TAFA1: variants seen among roughly 807,000 people sequenced by gnomAD.
The protein encoded by TAFA1 is TAFA chemokine like family member 1, also known as chemokine-like protein TAFA-1.
A neutral mutation model predicts 18.5 loss-of-function variants in TAFA1; 4 were observed. The ratio of observed to expected loss-of-function variants is 0.22; its 90% confidence interval spans 0.11 to 0.49. The LOEUF (loss-of-function observed/expected upper bound fraction) is 0.49. TAFA1 is among the 20% of genes least tolerant of loss of function. TAFA1 has a pLI of 0.98. For missense variants in TAFA1, 147 were observed against 169.0 expected, an observed-to-expected ratio of 0.87 and a Z score of 0.72; for synonymous variants, 56 against 55.2, an observed-to-expected ratio of 1.01 and a Z score of -0.06.
At chr3:67,993,643 AAAGGGCTTTACTGG>A in the TAFA1 span, among the ~76,000 whole-genome samples, 1 of 152,228 alleles carries the variant, frequency 6.6e-6, no homozygotes, top group Non-Finnish European at 1.5e-5. Context: ...AGGTCTGTGT[AAAGGGCTTTACTGG>A]CTGCCATAGA....
At chr3:68,064,348 G>T (rs2064645036) in intron 2 of TAFA1, among the ~76,000 whole-genome samples, 1 of 152,182 alleles carries the variant, frequency 6.6e-6, no homozygotes, top group Admixed American at 6.6e-5. Flanking sequence ...AGTGATGAAA[G>T]GACAAAGTTT....
intron 2 of TAFA1, among the ~76,000 whole-genome samples, chr3:68,410,320 G>T (rs1379929919): frequency 2.0e-5 from 3 of 152,052 alleles, no homozygotes; most frequent in Non-Finnish European, 2.9e-5. Flanking sequence ...GGAATGAGAA[G>T]AAAGTCCACT....
chr3:68,071,375 C>T (rs2064753313), intron 2 of TAFA1, among the ~76,000 whole-genome samples: 1 of 152,210 alleles, frequency 6.6e-6, no homozygotes. Context: ...TCAACAACCT[C>T]CCACCAGGTC....
rs554409020 is a variant in TAFA1 at position 68,405,565 on chromosome 3, T to A, written c.119-11715T>A. ...AAATCAAAACATTAGCCAAGCATAGTGGCATGTTCTTGCAGTTCCAGCTAC... is the reference window on the plus strand; with the variant it reads ...AAATCAAAACATTAGCCAAGCATAGAGGCATGTTCTTGCAGTTCCAGCTAC... On this transcript the variant is annotated intron_variant, in intron 2 of 4. Transcript: ENST00000478136. Among the ~76,000 whole-genome samples, 5 of 151,278 alleles carry A rather than the reference T, an allele frequency of 3.3e-5. No individual in the cohort carries two copies. In the South Asian group the frequency reaches 1.1e-3, roughly 32 times the overall value.
At chr3:68,389,745 A>T (rs746373147) in intron 2 of TAFA1, among the ~76,000 whole-genome samples, 1 of 152,146 alleles carries the variant, frequency 6.6e-6, no homozygotes, top group Middle Eastern at 3.4e-3. Flanking sequence ...TACCCCACCC[A>T]GGAAGTGTAA....
At chr3:68,126,808 C>T (rs1159864023) in intron 2 of TAFA1, among the ~76,000 whole-genome samples, 2 of 152,142 alleles carry the variant, frequency 1.3e-5, no homozygotes, top group Non-Finnish European at 2.9e-5. Flanking sequence ...ACACAACAGG[C>T]CTCCTAGGCT....
rs1274926392 is a variant in TAFA1 at position 68,488,634 on chromosome 3, A to G, written c.260-50122A>G. Among the ~76,000 whole-genome samples the G allele has an allele frequency of 2.0e-5, 3 of 152,204 alleles. No individual in the cohort carries two copies. The East Asian group carries it at 5.8e-4, about 29-fold the overall frequency. The stretch of plus-strand genomic sequence containing the variant: ...AAATTCCCTAGGCTTCAATTTTTCC[A>G]TCTGCATAATGGCAATAAGATACCT... On this transcript the variant is annotated intron_variant, in intron 3 of 4. Coordinates refer to ENST00000478136, the MANE Select transcript of TAFA1 (RefSeq NM_213609.4).
intron 2 of TAFA1, among the ~76,000 whole-genome samples, chr3:68,257,398 A>G (rs1046021097): frequency 1.8e-4 from 27 of 150,872 alleles, no homozygotes; most frequent in African/African-American, 6.6e-4. Context: ...GTCTTCCCCA[A>G]TAGACAGTTA....
At chr3:68,284,586 G>A (rs1575745713) in intron 2 of TAFA1, among the ~76,000 whole-genome samples, 2 of 152,080 alleles carry the variant, frequency 1.3e-5, no homozygotes, top group Non-Finnish European at 2.9e-5. Context: ...AGGAGAATGG[G>A]TAGAAATGAA....
At chr3:68,049,845 T>C (rs752585791) in intron 2 of TAFA1, among the ~76,000 whole-genome samples, 5 of 152,074 alleles carry the variant, frequency 3.3e-5, no homozygotes, top group African/African-American at 4.8e-5. Flanking sequence ...ATGGCTTTCA[T>C]CCCGCTCTGA....
At chr3:68,274,063 G>C (rs2067736599) in intron 2 of TAFA1, among the ~76,000 whole-genome samples, 1 of 152,158 alleles carries the variant, frequency 6.6e-6, no homozygotes, top group Non-Finnish European at 1.5e-5. Context: ...TAAGAAATGA[G>C]TGCAAGTCTT....
intron 2 of TAFA1, among the ~76,000 whole-genome samples, chr3:68,387,752 T>C (rs999391065): frequency 4.0e-5 from 6 of 151,406 alleles, no homozygotes; most frequent in African/African-American, 1.5e-4. Flanking sequence ...CAGTAGTACA[T>C]GTAGGCTCTA....
intron 2 of TAFA1, among the ~76,000 whole-genome samples, chr3:68,270,518 C>G (rs1028508816): frequency 6.6e-6 from 1 of 152,074 alleles, no homozygotes; most frequent in Non-Finnish European, 1.5e-5. Flanking sequence ...GCATCGATTC[C>G]CCTGTCAGGG....
intron 2 of TAFA1, among the ~76,000 whole-genome samples, chr3:68,253,449 C>T (rs2067234595): frequency 6.6e-6 from 1 of 152,230 alleles, no homozygotes; most frequent in Non-Finnish European, 1.5e-5. Flanking sequence ...ATTTGTGAAA[C>T]CATCACTGGC....
intron 2 of TAFA1, among the ~76,000 whole-genome samples, chr3:68,096,150 A>G (rs573858336): frequency 2.4e-4 from 36 of 152,084 alleles, no homozygotes; most frequent in Non-Finnish European, 3.1e-4. Flanking sequence ...TAAATTTTTT[A>G]GCTCTCACAT....
At chr3:68,212,174 T>G (rs77196380) in intron 2 of TAFA1, among the ~76,000 whole-genome samples, 6,606 of 150,730 alleles carry the variant, frequency 0.044, 208 homozygotes, top group East Asian at 0.15. Flanking sequence ...GACGGGAAGC[T>G]GCTTGGGGAG....
rs773025236 is a variant in TAFA1, at chr3:68,305,409, CTATATATATATATATATATATATATA to C, written c.119-111848_119-111823del. Among the ~76,000 whole-genome samples the C allele has an allele frequency of 3.1e-3, 119 of 38,202 alleles. 3 individuals are homozygous for C. The highest frequency in any genetic ancestry group is 0.016 in the Admixed American group (54 of 3,286). The allele number at this position is 38,202 out of a possible 152,430, so 25.1% of individuals were successfully genotyped here. On this transcript the variant is annotated intron_variant, in intron 2 of 4. Coordinates refer to ENST00000478136, the MANE Select transcript of TAFA1 (RefSeq NM_213609.4). ...TATATGACTATATATGACTATATGACTATATATATATATATATATATATATATATATATATATATATATATATAGGT... is the reference window on the plus strand; with the variant it reads ...TATATGACTATATATGACTATATGACTATATATATATATATATATATAGGT...
chr3:67,993,546 TG>T, the TAFA1 span, among the ~76,000 whole-genome samples: 4 of 152,172 alleles, frequency 2.6e-5, no homozygotes, highest in Admixed American at 2.6e-4. Context: ...CTCTGTAATA[TG>T]GGGAATGCCT....
intron 3 of TAFA1, among the ~76,000 whole-genome samples, chr3:68,433,085 C>A (rs1230177817): frequency 5.3e-5 from 8 of 152,022 alleles, no homozygotes; most frequent in Non-Finnish European, 1.2e-4. Context: ...TCAAAGACAC[C>A]TCAAATTCAA....
Sources: gnomAD v4.1 joint callset for allele counts (sites outside exome capture counted in the v4.1 genomes callset) on GRCh38, gnomAD v4.1.1 for gene constraint, MANE v1.5 for transcripts, NCBI Gene and HGNC (gene_info 2026-07-23, HGNC 2026-07-21) for gene names.